DNAJC13: variants seen among roughly 807,000 people sequenced by gnomAD.
DNAJC13 encodes DnaJ heat shock protein family (Hsp40) member C13, also known as dnaJ homolog subfamily C member 13.
A neutral mutation model predicts 290.5 loss-of-function variants in DNAJC13; 75 were observed. The ratio of observed to expected loss-of-function variants is 0.26; its 90% CI spans 0.21 to 0.31. The LOEUF is 0.31. Among genes scored for constraint, DNAJC13 ranks in the 10% least tolerant of loss-of-function variants. The pLI is 1.00. For synonymous variants in DNAJC13, 862 were observed against 892.0 expected, an observed-to-expected ratio of 0.97 and a Z score of 0.60; for missense variants, 2,260 against 2,674.5, an observed-to-expected ratio of 0.85 and a Z score of 3.42.
At chr3:132,433,053 G>A (rs181559435) in intron 1 of DNAJC13, among the ~76,000 whole-genome samples, 4 of 152,240 alleles carry the variant, frequency 2.6e-5, no homozygotes, top group Admixed American at 2.6e-4. Context: ...ATGGGGAAAG[G>A]TTAACATTCT....
intron 45 of DNAJC13, among the ~76,000 whole-genome samples, chr3:132,514,366 A>G (rs1360093382): frequency 2.0e-5 from 3 of 152,182 alleles, no homozygotes; most frequent in Non-Finnish European, 4.4e-5. Flanking sequence ...ATGTATGGGT[A>G]TAGGATTGAA....
At chr3:132,494,067 A>C in intron 33 of DNAJC13, 77 bp from the exon 34 acceptor site, 1 of 997,448 alleles carries the variant, frequency 1.0e-6, no homozygotes, top group Non-Finnish European at 1.5e-6. Context: ...TAAATACAGC[A>C]CAATAATTCT....
At chr3:132,448,092 T>C (rs1240341620) in intron 5 of DNAJC13, among the ~76,000 whole-genome samples, 153 bp downstream of exon 5, 5 of 152,166 alleles carry the variant, frequency 3.3e-5, no homozygotes, top group African/African-American at 7.2e-5. Flanking sequence ...TTATGTAGTT[T>C]AACAGGAAAC....
intron 48 of DNAJC13, among the ~76,000 whole-genome samples, chr3:132,518,910 G>A (rs1038080575): frequency 2.6e-5 from 4 of 152,136 alleles, no homozygotes; most frequent in African/African-American, 4.8e-5. Context: ...TAGATTTGCC[G>A]AATGCTGGGC....
intron 25 of DNAJC13, 40 bp from the exon 26 acceptor site, chr3:132,480,329 A>C: frequency 6.9e-7 from 1 of 1,441,410 alleles, no homozygotes; most frequent in Non-Finnish European, 9.7e-7. Context: ...TAGGTTATGA[A>C]AAATGTTTAG....
chr3:132,424,548 A>G (rs1939042530), intron 1 of DNAJC13, among the ~76,000 whole-genome samples: 1 of 152,128 alleles, frequency 6.6e-6, no homozygotes, highest in Non-Finnish European at 1.5e-5. Flanking sequence ...TCAAGTTTTT[A>G]AAAACAATGG....
intron 55 of DNAJC13, among the ~76,000 whole-genome samples, chr3:132,536,908 G>A (rs1215573280): frequency 1.3e-5 from 2 of 152,114 alleles, no homozygotes; most frequent in Non-Finnish European, 2.9e-5. Context: ...TAAGTACAGC[G>A]TTCCAAGTAC....
At chr3:132,423,667 T>G (rs925740191) in intron 1 of DNAJC13, among the ~76,000 whole-genome samples, 3 of 152,250 alleles carry the variant, frequency 2.0e-5, no homozygotes, top group Non-Finnish European at 4.4e-5. Flanking sequence ...ATAGGGATAT[T>G]TCAGAACTAA....
At chr3:132,518,584 T>G (rs555643660) in intron 48 of DNAJC13, among the ~76,000 whole-genome samples, 6 of 152,296 alleles carry the variant, frequency 3.9e-5, no homozygotes, top group African/African-American at 1.4e-4. Context: ...CTCAAACTCC[T>G]GAGCTCATGT....
At chr3:132,425,242 C>G (rs2107640691) in intron 1 of DNAJC13, among the ~76,000 whole-genome samples, 1 of 152,208 alleles carries the variant, frequency 6.6e-6, no homozygotes, top group East Asian at 1.9e-4. Flanking sequence ...TAAGATATAG[C>G]TGTAGGAAGT....
chr3:132,489,400 C>T (rs2107706004), intron 31 of DNAJC13, among the ~76,000 whole-genome samples: 1 of 151,916 alleles, frequency 6.6e-6, no homozygotes, highest in African/African-American at 2.4e-5. Flanking sequence ...TTGTTCAGAT[C>T]CCAAAGTGGC....
intron 46 of DNAJC13, 87 bp from the exon 47 acceptor site, chr3:132,516,335 C>T (rs1392478085): frequency 1.7e-6 from 2 of 1,174,436 alleles, no homozygotes; most frequent in East Asian, 4.7e-5. Flanking sequence ...TGTAGAACAT[C>T]TAGTTAAGTG....
At position 132,538,388 on chromosome 3, in the gene DNAJC13, C is replaced by T. The variant is rs1936663207; in HGVS notation, c.*106C>T. On this transcript the variant is annotated 3_prime_UTR_variant, in exon 56 of 56. Transcript: ENST00000260818. ...TACTGCCTTTCTCCTGGTTTCATGA[C>T]AGTGTTATTCCTTTTTCTATAAATA... The T allele has an allele frequency of 5.4e-6, 4 of 745,610 alleles. No homozygotes were observed. Among genetic ancestry groups the T allele is most frequent in the Non-Finnish European group, 8.5e-6 (4 of 469,864 alleles). The allele number at this position is 745,610 out of a possible 1,614,324, so 46.2% of individuals were successfully genotyped here. A position where few individuals can be genotyped will look rare whatever the true frequency, so the allele number is the denominator to read the frequency against.
intron 48 of DNAJC13, among the ~76,000 whole-genome samples, chr3:132,520,933 G>T (rs954951616): frequency 1.3e-5 from 2 of 152,096 alleles, no homozygotes; most frequent in Non-Finnish European, 2.9e-5. Flanking sequence ...GTTTCAAGCT[G>T]CAAAATATTT....
intron 5 of DNAJC13, among the ~76,000 whole-genome samples, 154 bp from the exon 6 acceptor site, chr3:132,450,493 A>G (rs1363424401): frequency 6.6e-6 from 1 of 152,192 alleles, no homozygotes; most frequent in Non-Finnish European, 1.5e-5. Flanking sequence ...AATAGTTAAA[A>G]TTAATCATAG....
intron 53 of DNAJC13, among the ~76,000 whole-genome samples, chr3:132,527,952 G>A (rs1407564362): frequency 6.6e-6 from 1 of 152,096 alleles, no homozygotes; most frequent in Non-Finnish European, 1.5e-5. Context: ...TGAACATACT[G>A]TTTTACCCTC....
chr3:132,423,023 A>T (rs1239972431), intron 1 of DNAJC13, among the ~76,000 whole-genome samples: 1 of 152,226 alleles, frequency 6.6e-6, no homozygotes, highest in Non-Finnish European at 1.5e-5. Context: ...GAATTATTTT[A>T]GCTGGGTGCA....
intron 21 of DNAJC13, 112 bp from the exon 22 acceptor site, chr3:132,474,814 TCCCCCC>T (rs35380727): frequency 4.4e-5 from 3 of 67,970 alleles, no homozygotes; most frequent in African/African-American, 1.3e-4. Flanking sequence ...TAAAATCTAT[TCCCCCC>T]CCCCCCTTTT....
intron 15 of DNAJC13, 151 bp from the exon 16 acceptor site, chr3:132,462,316 T>C (rs904479605): frequency 1.4e-4 from 90 of 645,520 alleles, no homozygotes; most frequent in Non-Finnish European, 2.2e-4. Context: ...ACCTAAAATA[T>C]TTAACCAAAC....
Sources: gnomAD v4.1 joint callset for allele counts (sites outside exome capture counted in the v4.1 genomes callset) on GRCh38, gnomAD v4.1.1 for gene constraint, MANE v1.5 for transcripts, NCBI Gene and HGNC (gene_info 2026-07-23, HGNC 2026-07-21) for gene names.